The following CADPS variants were observed in gnomAD, a reference collection of about 807,000 sequenced individuals.
CADPS encodes the protein calcium dependent secretion activator.
Under a neutral mutation model 167.3 loss-of-function variants are expected in CADPS, and 57 were observed. That is an observed-to-expected ratio of 0.34 (90% confidence interval 0.28 to 0.42). The LOEUF is 0.42. Among genes scored for constraint, CADPS ranks in the 20% least tolerant of loss-of-function variants. The pLI, the probability that CADPS is intolerant of heterozygous loss-of-function variation, is 1.00. For missense variants in CADPS, 1,414 were observed against 1,738.1 expected, an observed-to-expected ratio of 0.81 and a Z score of 3.32; for synonymous variants, 676 against 635.3, an observed-to-expected ratio of 1.06 and a Z score of -0.96.
chr3:62,531,762 C>T (rs1357848376), intron 13 of CADPS, among the ~76,000 whole-genome samples: 1 of 152,156 alleles, frequency 6.6e-6, no homozygotes, highest in Non-Finnish European at 1.5e-5. Context: ...TGTCTTTATA[C>T]TAATGCAAGG....
chr3:62,774,132 G>T (rs895430639), intron 1 of CADPS, among the ~76,000 whole-genome samples: 1 of 152,094 alleles, frequency 6.6e-6, no homozygotes, highest in Non-Finnish European at 1.5e-5. Context: ...TGGGGCTAAA[G>T]ATTGGATTGA....
intron 27 of CADPS, among the ~76,000 whole-genome samples, chr3:62,442,956 ATTG>A (rs2056602469): frequency 6.6e-6 from 1 of 152,224 alleles, no homozygotes; most frequent in African/African-American, 2.4e-5. Context: ...TTTCTATAAA[ATTG>A]TTATTTATTT....
At chr3:62,653,911 T>C (rs1204839673) in intron 4 of CADPS, among the ~76,000 whole-genome samples, 2 of 152,162 alleles carry the variant, frequency 1.3e-5, no homozygotes, top group Non-Finnish European at 1.5e-5. Context: ...CTAAGCTCAC[T>C]GTGTGGTGCT....
intron 24 of CADPS, among the ~76,000 whole-genome samples, chr3:62,468,767 G>T (rs143167207): frequency 6.6e-6 from 1 of 151,926 alleles, no homozygotes; most frequent in African/African-American, 2.4e-5. Flanking sequence ...TATAATGAAC[G>T]TTGCTTTTTT....
At chr3:62,574,811 G>T (rs144439879) in intron 8 of CADPS, among the ~76,000 whole-genome samples, 1 of 152,308 alleles carries the variant, frequency 6.6e-6, no homozygotes, top group Non-Finnish European at 1.5e-5. Context: ...GACAGTGCTT[G>T]TGAAGTATAA....
At chr3:62,840,821 A>T (rs2076549954) in intron 1 of CADPS, among the ~76,000 whole-genome samples, 1 of 152,296 alleles carries the variant, frequency 6.6e-6, no homozygotes, top group South Asian at 2.1e-4. Context: ...AATTATTCAA[A>T]TTATTTGGAG....
Position 62,874,237 on chromosome 3 carries a change from A to C in CADPS, c.441+352T>G, listed in dbSNP as rs1418884555. ...AGCGCTGGGAGCCCTGCAAGCGAGCAAGGCCTCTCTGGGCGCCGCGGGCAG... is the reference window on the plus strand; with the variant it reads ...AGCGCTGGGAGCCCTGCAAGCGAGCCAGGCCTCTCTGGGCGCCGCGGGCAG... On this transcript the variant is annotated intron_variant, in intron 1 of 29. Transcript: ENST00000383710. This position sits in a 1 kb window ranked among gnomAD's most constrained non-coding sequence, Gnocchi z 7.1. Among the ~76,000 whole-genome samples the C allele has an allele frequency of 6.6e-6, 1 of 152,036 alleles. No individual in the cohort carries two copies. Among genetic ancestry groups the C allele is most frequent in the East Asian group, 1.9e-4 (1 of 5,132 alleles).
chr3:62,477,845 C>T (rs2061516305), intron 23 of CADPS, among the ~76,000 whole-genome samples: 2 of 152,196 alleles, frequency 1.3e-5, no homozygotes, highest in Admixed American at 6.5e-5. Flanking sequence ...CATTAGATTT[C>T]TGCTAGCCAT....
rs369874258 is a variant in CADPS at position 62,649,543 on chromosome 3, C to CTTTTTTT, written c.1203+1297_1203+1303dup. Among the ~76,000 whole-genome samples, 133 of 37,796 alleles carry CTTTTTTT rather than the reference C, an allele frequency of 3.5e-3. 21 individuals are homozygous for CTTTTTTT. Among genetic ancestry groups the CTTTTTTT allele is most frequent in the South Asian group, 7.0e-3 (3 of 428 alleles). The allele number at this position is 37,796 out of a possible 152,430, so 24.8% of individuals were successfully genotyped here. ...TCAAGGGAATCATACAATATGTGGTCTTTTTTTTTTTTTTTTTTTTTTTTT... is the reference window on the plus strand; with the variant it reads ...TCAAGGGAATCATACAATATGTGGTCTTTTTTTTTTTTTTTTTTTTTTTTTTTTTTTT... On this transcript the variant is annotated intron_variant, in intron 5 of 29. Coordinates refer to ENST00000383710, the MANE Select transcript of CADPS (RefSeq NM_003716.4).
At chr3:62,694,940 C>G (rs2079995254) in intron 3 of CADPS, among the ~76,000 whole-genome samples, 1 of 152,016 alleles carries the variant, frequency 6.6e-6, no homozygotes, top group African/African-American at 2.4e-5. Context: ...AATTCACGGG[C>G]CCAGCAATCA....
intron 1 of CADPS, among the ~76,000 whole-genome samples, chr3:62,801,138 C>T (rs1576590933): frequency 6.6e-6 from 1 of 152,100 alleles, no homozygotes; most frequent in African/African-American, 2.4e-5. Context: ...TGAAGAATTA[C>T]TGAGAGGCTT....
At chr3:62,847,281 CT>C (rs111771617) in intron 1 of CADPS, among the ~76,000 whole-genome samples, 340 of 119,504 alleles carry the variant, frequency 2.8e-3, no homozygotes, top group African/African-American at 8.0e-3. Context: ...TTTTTTTTAA[CT>C]TTTTTTTTTT....
intron 3 of CADPS, among the ~76,000 whole-genome samples, chr3:62,718,239 T>C (rs1391233999): frequency 1.3e-5 from 2 of 152,182 alleles, no homozygotes; most frequent in Non-Finnish European, 2.9e-5. Flanking sequence ...TCCAGCACCA[T>C]GTCTGACTCA....
intron 28 of CADPS, among the ~76,000 whole-genome samples, chr3:62,419,313 T>C (rs1358468443): frequency 6.6e-6 from 1 of 152,152 alleles, no homozygotes; most frequent in African/African-American, 2.4e-5. Flanking sequence ...CAATACCTTT[T>C]TCCTAGGGCC....
At chr3:62,867,546 C>A (rs975614485) in intron 1 of CADPS, among the ~76,000 whole-genome samples, 1 of 152,048 alleles carries the variant, frequency 6.6e-6, no homozygotes, top group African/African-American at 2.4e-5. Flanking sequence ...GTATTGTAGC[C>A]TGGACCCCCA....
At chr3:62,598,229 G>A (rs1457145450) in intron 6 of CADPS, among the ~76,000 whole-genome samples, 1 of 152,126 alleles carries the variant, frequency 6.6e-6, no homozygotes, top group Non-Finnish European at 1.5e-5. Flanking sequence ...CAGGTCACAT[G>A]CCCCTCAAGC....
Position 62,478,896 on chromosome 3 carries a change from G to A in CADPS, c.3174-480C>T, listed in dbSNP as rs531058657. Among the ~76,000 whole-genome samples the A allele has an allele frequency of 1.2e-4, 19 of 152,338 alleles. No individual in the cohort carries two copies. The East Asian group carries it at 2.5e-3, about 20-fold the overall frequency. On this transcript the variant is annotated intron_variant, in intron 22 of 29. Transcript: ENST00000383710. This position sits in a 1 kb window ranked among gnomAD's most constrained non-coding sequence, Gnocchi z 5.7. ...CAAGACTTTTCGTTTTCAAAGGACA[G>A]TGCTAACAAAGTGGTGAGCGAGGAC... is the stretch of plus-strand genomic sequence containing the variant.
chr3:62,684,830 A>T (rs1176898334), intron 3 of CADPS, among the ~76,000 whole-genome samples: 1 of 152,088 alleles, frequency 6.6e-6, no homozygotes, highest in Middle Eastern at 3.4e-3. Context: ...TACATGCACC[A>T]ATCAGATGCA....
chr3:62,441,010 G>A (rs572406503), intron 27 of CADPS: 2 of 152,268 alleles, frequency 1.3e-5, no homozygotes, highest in South Asian at 4.2e-4. Context: ...AAGGCAAGAA[G>A]GTTGTGTAAT....
Sources: allele counts gnomAD v4.1 joint callset (sites outside exome capture counted in the v4.1 genomes callset), GRCh38; gene constraint gnomAD v4.1.1; non-coding constraint Gnocchi (gnomAD v3.1); transcripts MANE v1.5; gene names NCBI Gene and HGNC (gene_info 2026-07-23, HGNC 2026-07-21).